The following OMA1 variants were observed in gnomAD, a reference collection of about 807,000 sequenced individuals.
OMA1 encodes OMA1 zinc metallopeptidase.
In OMA1, 38 loss-of-function variants were observed where a neutral mutation model predicts 30.9. That is an observed-to-expected ratio of 1.23 (90% CI 0.95 to 1.61). The LOEUF is 1.61. Ranked by LOEUF, OMA1 falls within the 40% of genes most tolerant of loss-of-function variation. The pLI is 0.00. For synonymous variants in OMA1, 173 were observed against 121.9 expected (o/e 1.42, Z -2.76); for missense variants, 461 against 349.2 (o/e 1.32, Z -2.55).
chr1:58,536,788 A>T (rs7548097), intron 2 of OMA1, 47 bp from the exon 3 acceptor site: 78,829 of 833,824 alleles, frequency 0.095, 4,395 homozygotes, highest in African/African-American at 0.18. Context: ...ATTCCAGCAC[A>T]TATCACTAAA....
At chr1:58,520,772 CAAGT>C (rs2100451558) in intron 7 of OMA1, among the ~76,000 whole-genome samples, 1 of 152,020 alleles carries the variant, frequency 6.6e-6, no homozygotes, top group African/African-American at 2.4e-5. Flanking sequence ...AACAATCTAA[CAAGT>C]ATGTATATTA....
intron 7 of OMA1, 115 bp from the exon 8 acceptor site, chr1:58,506,324 A>C (rs771553829): frequency 1.8e-4 from 112 of 612,856 alleles, no homozygotes; most frequent in Non-Finnish European, 2.3e-4. Context: ...TTTAGGGTAC[A>C]TGTGCACAAC....
intron 2 of OMA1, among the ~76,000 whole-genome samples, chr1:58,538,199 A>G (rs1364382145): frequency 6.6e-6 from 1 of 152,216 alleles, no homozygotes; most frequent in Non-Finnish European, 1.5e-5. Context: ...CATAAAACAA[A>G]CAAGAGAAAA....
intron 1 of OMA1, among the ~76,000 whole-genome samples, chr1:58,541,277 G>GTGAGAAC (rs1646605606): frequency 9.6e-6 from 1 of 104,480 alleles, no homozygotes; most frequent in East Asian, 3.4e-4. Context: ...CTGGGCAACA[G>GTGAGAAC]AGTGAGACTC....
At chr1:58,485,527 A>AC (rs1215676602) in intron 8 of OMA1, among the ~76,000 whole-genome samples, 1 of 152,100 alleles carries the variant, frequency 6.6e-6, no homozygotes, top group Non-Finnish European at 1.5e-5. Context: ...TCCTGTTATG[A>AC]CCATACATAT....
At chr1:58,527,400 G>A in intron 6 of OMA1, 65 bp from the exon 7 acceptor site, 1 of 806,210 alleles carries the variant, frequency 1.2e-6, no homozygotes, top group Non-Finnish European at 2.2e-6. Context: ...GAGTAACACA[G>A]AGAGATTTTT....
chr1:58,502,166 G>T (rs1645917653), intron 8 of OMA1, among the ~76,000 whole-genome samples: 1 of 152,094 alleles, frequency 6.6e-6, no homozygotes, highest in South Asian at 2.1e-4. Flanking sequence ...GATCCAATAA[G>T]AAATAAAAAT....
intron 7 of OMA1, among the ~76,000 whole-genome samples, chr1:58,524,538 A>G (rs1200924391): frequency 6.6e-6 from 1 of 152,238 alleles, no homozygotes; most frequent in African/African-American, 2.4e-5. Context: ...TATACAAGAT[A>G]AAAGTCTTTT....
intron 6 of OMA1, among the ~76,000 whole-genome samples, chr1:58,527,914 T>G (rs1646377119): frequency 6.6e-6 from 1 of 152,240 alleles, no homozygotes; most frequent in South Asian, 2.1e-4. Context: ...ACTTTAATTT[T>G]CCTAATTACT....
rs537533092 is a variant in OMA1, at chr1:58,519,653, C to T, written c.1215+7608G>A. ...CCAGCATTCAATCAAAAATAAGCAA[C>T]GATGCCAACAAACAAGACCAAAGCC... On this transcript the variant is annotated intron_variant, in intron 7 of 8. Transcript: ENST00000371226. 4.5e-4 allele frequency among the ~76,000 whole-genome samples: 69 copies of T among 152,178 alleles called. 1 individual carries two copies. Among genetic ancestry groups the T allele is most frequent in the African/African-American group, 1.6e-3 (67 of 41,512 alleles).
At chr1:58,514,551 T>C (rs903123072) in intron 7 of OMA1, among the ~76,000 whole-genome samples, 1 of 152,148 alleles carries the variant, frequency 6.6e-6, no homozygotes, top group Admixed American at 6.5e-5. Flanking sequence ...TGAATCTGAA[T>C]CTTTTTTTAG....
intron 7 of OMA1, among the ~76,000 whole-genome samples, chr1:58,514,955 G>C (rs992091657): frequency 6.6e-6 from 1 of 152,062 alleles, no homozygotes; most frequent in Non-Finnish European, 1.5e-5. Flanking sequence ...TTGTTATGAA[G>C]ATCAAAAGAA....
intron 5 of OMA1, among the ~76,000 whole-genome samples, chr1:58,532,379 T>C (rs1646447214): frequency 6.6e-6 from 1 of 152,192 alleles, no homozygotes; most frequent in Non-Finnish European, 1.5e-5. Context: ...AAAAAACAAA[T>C]GTACTGAATA....
intron 8 of OMA1, among the ~76,000 whole-genome samples, chr1:58,494,840 A>C (rs577552953): frequency 1.3e-3 from 201 of 152,230 alleles, no homozygotes; most frequent in African/African-American, 3.5e-3. Flanking sequence ...ACTAGTTCAA[A>C]CATTGTGGAA....
At chr1:58,498,239 G>T (rs1030532733) in intron 8 of OMA1, among the ~76,000 whole-genome samples, 24 of 148,598 alleles carry the variant, frequency 1.6e-4, no homozygotes, top group African/African-American at 5.9e-4. Flanking sequence ...AAAACTAAAA[G>T]TTAAAAAAAA....
chr1:58,497,886 T>A (rs1335925445), intron 8 of OMA1, among the ~76,000 whole-genome samples: 1 of 152,190 alleles, frequency 6.6e-6, no homozygotes, highest in East Asian at 1.9e-4. Flanking sequence ...CAAAGCCACC[T>A]CTTGGAGAAT....
At chr1:58,522,674 C>T (rs988519121) in intron 7 of OMA1, among the ~76,000 whole-genome samples, 5 of 152,180 alleles carry the variant, frequency 3.3e-5, no homozygotes, top group African/African-American at 1.2e-4. Context: ...CAAAACCTAA[C>T]TACTAATAGC....
intron 8 of OMA1, among the ~76,000 whole-genome samples, chr1:58,481,451 A>G (rs1180693809): frequency 1.3e-5 from 2 of 152,200 alleles, no homozygotes; most frequent in African/African-American, 2.4e-5. Context: ...AGGGTAAACA[A>G]ATCTTAGAGA....
Position 58,534,277 on chromosome 1 carries a change from C to T in OMA1, c.784G>A (p.Ala262Thr), listed in dbSNP as rs201766894. 1.4e-5 allele frequency: 12 copies of T among 870,552 alleles called. No individual in the cohort carries two copies. The East Asian group carries it at 2.6e-4, about 19-fold the overall frequency. The allele number at this position is 870,552 out of a possible 1,614,324, so 53.9% of individuals were successfully genotyped here. A position where few individuals can be genotyped will look rare whatever the true frequency, so the allele number is the denominator to read the frequency against. Residue 262 changes from alanine (A) to threonine (T), a missense_variant, in exon 4 of 9, where the codon GCT becomes ACT. Coordinates refer to ENST00000371226, the MANE Select transcript of OMA1 (RefSeq NM_145243.5). The part of the protein sequence containing the change: ...MLTEKDARYL[A>T]VKEVLCHLIE... Reference sequence around the variant, plus strand: ...AGATGACAAAGCACTTCTTTAACAGCCAGGTATCGGGCATCTTTCTCAGTT... The same window carrying T: ...AGATGACAAAGCACTTCTTTAACAGTCAGGTATCGGGCATCTTTCTCAGTT...
Sources: allele counts gnomAD v4.1 joint callset (sites outside exome capture counted in the v4.1 genomes callset), GRCh38; gene constraint gnomAD v4.1.1; transcripts MANE v1.5; gene names NCBI Gene and HGNC (gene_info 2026-07-23, HGNC 2026-07-21).